The following SGCZ variants were observed in gnomAD, a reference collection of about 807,000 sequenced individuals.
SGCZ encodes the protein zeta-sarcoglycan.
SGCZ carries 40 observed loss-of-function variants against 41.3 expected under a neutral mutation model. The ratio of observed to expected loss-of-function variants is 0.97; its 90% confidence interval spans 0.75 to 1.26. The LOEUF (loss-of-function observed/expected upper bound fraction) is 1.26, where lower values mean the gene tolerates loss of function less well. Ranked by LOEUF, SGCZ falls within the 50% of genes most tolerant of loss-of-function variation. The pLI, the probability that SGCZ is intolerant of heterozygous loss-of-function variation, is 0.00. For missense variants in SGCZ, 552 were observed against 369.8 expected, an observed-to-expected ratio of 1.49 and a Z score of -4.04; for synonymous variants, 206 against 137.5, an observed-to-expected ratio of 1.50 and a Z score of -3.49.
chr8:14,634,206 C>T (rs958562745), intron 1 of SGCZ, among the ~76,000 whole-genome samples: 1 of 151,742 alleles, frequency 6.6e-6, no homozygotes, highest in African/African-American at 2.4e-5. Context: ...TTGACACAGT[C>T]AGATTTTCAT....
intron 1 of SGCZ, among the ~76,000 whole-genome samples, chr8:14,880,516 C>T (rs777031037): frequency 5.9e-5 from 9 of 152,034 alleles, no homozygotes; most frequent in South Asian, 2.1e-4. Context: ...ATGTTTACTG[C>T]GGCACTATTC....
chr8:14,822,609 T>A (rs1443826556), intron 1 of SGCZ, among the ~76,000 whole-genome samples: 2 of 152,064 alleles, frequency 1.3e-5, no homozygotes, highest in African/African-American at 4.8e-5. Flanking sequence ...CAAAACAGCA[T>A]GGTGGTGGTA....
At chr8:14,524,272 T>C (rs1802875319) in intron 2 of SGCZ, among the ~76,000 whole-genome samples, 1 of 151,962 alleles carries the variant, frequency 6.6e-6, no homozygotes, top group Non-Finnish European at 1.5e-5. Context: ...ATGTGCTGCC[T>C]TACTGATTCC....
At chr8:14,786,819 G>C (rs1021846745) in intron 1 of SGCZ, among the ~76,000 whole-genome samples, 1 of 145,536 alleles carries the variant, frequency 6.9e-6, no homozygotes, top group Admixed American at 7.0e-5. Flanking sequence ...ACAAGGAGTG[G>C]AAGAGTTGGA....
chr8:14,895,477 A>G lies in SGCZ; in HGVS notation c.40-340551T>C, dbSNP rs541505370. ...TCTTATCAGCTGTTTTATTAGTGTG[A>G]TAAGAAATTCAAAGATGAGATTAAA... On this transcript the variant is annotated intron_variant, in intron 1 of 7. Transcript: ENST00000382080. Among the ~76,000 whole-genome samples, 25 of 152,204 alleles carry G rather than the reference A, an allele frequency of 1.6e-4. No homozygotes were observed. In the East Asian group the frequency reaches 4.6e-3, roughly 28 times the overall value.
At chr8:14,812,798 T>G (rs1332205378) in intron 1 of SGCZ, among the ~76,000 whole-genome samples, 1 of 152,162 alleles carries the variant, frequency 6.6e-6, no homozygotes, top group Non-Finnish European at 1.5e-5. Flanking sequence ...TGAGTCTTAT[T>G]TATTAATAGA....
At chr8:14,760,426 T>C (rs1180297096) in intron 1 of SGCZ, among the ~76,000 whole-genome samples, 7 of 152,226 alleles carry the variant, frequency 4.6e-5, no homozygotes, top group Admixed American at 2.6e-4. Flanking sequence ...ACCCTCTTTG[T>C]ACAGCCAGAT....
chr8:14,158,940 G>A (rs765449413), intron 5 of SGCZ, among the ~76,000 whole-genome samples: 61 of 152,086 alleles, frequency 4.0e-4, no homozygotes, highest in Non-Finnish European at 7.1e-4. Context: ...GCTAATTTTT[G>A]TAGTTTTAGC....
chr8:14,435,941 G>C (rs576402585), intron 2 of SGCZ, among the ~76,000 whole-genome samples: 1 of 152,270 alleles, frequency 6.6e-6, no homozygotes, highest in East Asian at 1.9e-4. Context: ...AAAGAATAAT[G>C]AAAGGAAAAT....
intron 1 of SGCZ, among the ~76,000 whole-genome samples, chr8:15,130,246 C>T (rs1465925113): frequency 6.6e-6 from 1 of 152,102 alleles, no homozygotes; most frequent in Admixed American, 6.5e-5. Flanking sequence ...GGTGTGATGG[C>T]TAAGTGGCCG....
At chr8:14,611,035 A>G (rs184111135) in intron 1 of SGCZ, among the ~76,000 whole-genome samples, 289 of 152,330 alleles carry the variant, frequency 1.9e-3, no homozygotes, top group Non-Finnish European at 3.4e-3. Flanking sequence ...AAAAGCAAGA[A>G]TCAAGAAAGA....
chr8:14,553,344 T>C (rs780058630), intron 2 of SGCZ, among the ~76,000 whole-genome samples: 1 of 152,048 alleles, frequency 6.6e-6, no homozygotes, highest in East Asian at 1.9e-4. Flanking sequence ...ACTCAACCTC[T>C]AGCCACCCTC....
chr8:14,246,375 T>C (rs1370050156), intron 3 of SGCZ, among the ~76,000 whole-genome samples: 2 of 151,430 alleles, frequency 1.3e-5, no homozygotes, highest in Non-Finnish European at 2.9e-5. Flanking sequence ...ATGTTCTCAC[T>C]CATAGGTGGG....
At chr8:14,426,760 C>G (rs930974110) in intron 2 of SGCZ, among the ~76,000 whole-genome samples, 1 of 151,874 alleles carries the variant, frequency 6.6e-6, no homozygotes, top group Non-Finnish European at 1.5e-5. Flanking sequence ...AAAGTGTATG[C>G]TGAGAAAAAG....
chr8:14,113,156 T>G (rs1802424071), intron 5 of SGCZ, among the ~76,000 whole-genome samples: 1 of 152,104 alleles, frequency 6.6e-6, no homozygotes, highest in South Asian at 2.1e-4. Context: ...ATCTCACCTG[T>G]GCAAAAAGCT....
At chr8:14,927,545 A>G (rs919410076) in intron 1 of SGCZ, among the ~76,000 whole-genome samples, 2 of 131,870 alleles carry the variant, frequency 1.5e-5, no homozygotes, top group African/African-American at 5.3e-5. Context: ...GAAGAGGAAG[A>G]AAGAAGAGGG....
At chr8:14,232,721 A>G (rs1316254662) in intron 4 of SGCZ, among the ~76,000 whole-genome samples, 3 of 152,058 alleles carry the variant, frequency 2.0e-5, no homozygotes, top group Non-Finnish European at 4.4e-5. Flanking sequence ...CATTTAGCAG[A>G]ATATCAAAGA....
At chr8:15,216,218 T>C (rs1801394715) in intron 1 of SGCZ, among the ~76,000 whole-genome samples, 4 of 74,928 alleles carry the variant, frequency 5.3e-5, no homozygotes, top group East Asian at 3.9e-4. Flanking sequence ...TTATTCTTTT[T>C]TTTTCTTTTT....
At chr8:15,209,764 TA>T (rs201565042) in intron 1 of SGCZ, among the ~76,000 whole-genome samples, 1 of 55,388 alleles carries the variant, frequency 1.8e-5, no homozygotes, top group Non-Finnish European at 5.0e-5. Context: ...GTAGTTGCCT[TA>T]AAAAAATTAA....
Sources: allele counts gnomAD v4.1 joint callset (sites outside exome capture counted in the v4.1 genomes callset), GRCh38; gene constraint gnomAD v4.1.1; transcripts MANE v1.5; gene names NCBI Gene and HGNC (gene_info 2026-07-23, HGNC 2026-07-21).